Variants in PAH observed in about 807,000 individuals in gnomAD.
PAH encodes the protein phenylalanine-4-hydroxylase.
A neutral mutation model predicts 62.0 loss-of-function variants in PAH; 64 were observed. The ratio of observed to expected loss-of-function variants is 1.03; its 90% CI spans 0.84 to 1.27. PAH has a LOEUF of 1.27. PAH is among the 50% of genes most tolerant of loss of function. The pLI is 0.00. For synonymous variants in PAH, 195 were observed against 196.2 expected (o/e 0.99, Z 0.05); for missense variants, 579 against 542.8 (o/e 1.07, Z -0.66).
chr12:102,875,335 A>T (rs143075611), intron 4 of PAH, among the ~76,000 whole-genome samples: 2 of 152,208 alleles, frequency 1.3e-5, no homozygotes, highest in Non-Finnish European at 1.5e-5. Flanking sequence ...ATCTCTTTGC[A>T]TTGGAGTCTT....
At chr12:102,860,736 G>C (rs1875678206) in intron 5 of PAH, among the ~76,000 whole-genome samples, 1 of 152,206 alleles carries the variant, frequency 6.6e-6, no homozygotes, top group South Asian at 2.1e-4. Flanking sequence ...AATGGGGAAA[G>C]GATTCCCTAT....
chr12:102,863,159 T>C (rs1742783592), intron 5 of PAH, among the ~76,000 whole-genome samples: 1 of 152,174 alleles, frequency 6.6e-6, no homozygotes, highest in African/African-American at 2.4e-5. Context: ...AGTACCTGTA[T>C]GGTGTGGATA....
chr12:102,843,876 A>C, intron 10 of PAH, 97 bp from the exon 11 acceptor site: 1 of 1,332,842 alleles, frequency 7.5e-7, no homozygotes, highest in Non-Finnish European at 1.1e-6. Flanking sequence ...CTCTCATCTC[A>C]CCCCGATTCC....
intron 3 of PAH, among the ~76,000 whole-genome samples, chr12:102,891,620 C>T (rs1412515905): frequency 6.6e-6 from 1 of 152,190 alleles, no homozygotes; most frequent in African/African-American, 2.4e-5. Context: ...TCCTATAAGG[C>T]AGAGGCTCTT....
intron 8 of PAH, among the ~76,000 whole-genome samples, chr12:102,849,396 A>AT (rs144621436): frequency 0.016 from 2,501 of 152,256 alleles, 56 homozygotes; most frequent in African/African-American, 0.056. Context: ...GCAATTCAAT[A>AT]TGCAAGTCTG....
intron 2 of PAH, among the ~76,000 whole-genome samples, chr12:102,906,059 T>C (rs998802190): frequency 3.3e-5 from 5 of 152,108 alleles, no homozygotes; most frequent in Non-Finnish European, 7.4e-5. Flanking sequence ...AAAAATACAA[T>C]GTGTAGACAA....
intron 9 of PAH, among the ~76,000 whole-genome samples, chr12:102,845,841 A>G (rs1592948891): frequency 6.6e-6 from 1 of 152,192 alleles, no homozygotes; most frequent in African/African-American, 2.4e-5. Flanking sequence ...TCAACCAATC[A>G]GTAACATTTT....
chr12:102,938,336 A>G (rs1350705254), intron 1 of PAH, among the ~76,000 whole-genome samples: 1 of 152,168 alleles, frequency 6.6e-6, no homozygotes, highest in Admixed American at 6.5e-5. Context: ...CTCCAAACTG[A>G]CATGGACAAC....
chr12:102,847,640 T>C (rs779628233), intron 8 of PAH, among the ~76,000 whole-genome samples: 9 of 152,192 alleles, frequency 5.9e-5, no homozygotes, highest in Non-Finnish European at 1.0e-4. Context: ...AACATATACA[T>C]AACTATGTTA....
intron 1 of PAH, among the ~76,000 whole-genome samples, chr12:102,937,715 T>TA: frequency 6.6e-6 from 1 of 152,328 alleles, no homozygotes; most frequent in East Asian, 1.9e-4. Flanking sequence ...ACACTATATT[T>TA]ACAATGTTAT....
intron 1 of PAH, among the ~76,000 whole-genome samples, chr12:102,948,166 T>C (rs1221228364): frequency 6.6e-6 from 1 of 152,234 alleles, no homozygotes; most frequent in Admixed American, 6.5e-5. Context: ...TATCAGCCTT[T>C]TTTTTAGGAT....
At chr12:102,935,771 G>A (rs370317887) in intron 1 of PAH, among the ~76,000 whole-genome samples, 6 of 151,448 alleles carry the variant, frequency 4.0e-5, no homozygotes, top group Non-Finnish European at 8.9e-5. Flanking sequence ...TATTTAATTC[G>A]GTCTTCTCCC....
rs142503739 is a variant in PAH at position 102,841,797 on chromosome 12, C to T, written c.1200-1282G>A. Among the ~76,000 whole-genome samples the T allele has an allele frequency of 4.1e-3, 627 of 152,258 alleles. 3 individuals carry two copies. Among genetic ancestry groups the T allele is most frequent in the African/African-American group, 0.014 (583 of 41,548 alleles). On this transcript the variant is annotated intron_variant, in intron 11 of 12. Transcript: ENST00000553106. ...TTTTGCTTTGGGTGATTTACCCCTACCCTACTAGGTGTGTATCAGTCCAGA... is the reference window on the plus strand; with the variant it reads ...TTTTGCTTTGGGTGATTTACCCCTATCCTACTAGGTGTGTATCAGTCCAGA...
chr12:102,958,392 G>GCGC (rs2136785256), upstream of PAH: 1 of 1,392,836 alleles, frequency 7.2e-7, no homozygotes, highest in Non-Finnish European at 9.4e-7. Context: ...AGCGCAGAGC[G>GCGC]CGCAGCAGCA....
intron 3 of PAH, among the ~76,000 whole-genome samples, chr12:102,890,752 A>G (rs1359356907): frequency 6.6e-6 from 1 of 152,256 alleles, no homozygotes; most frequent in Non-Finnish European, 1.5e-5. Flanking sequence ...GCTCCAATAA[A>G]CCCAACTTTT....
chr12:102,913,017 A>G, intron 1 of PAH, 119 bp from the exon 2 acceptor site: 1 of 707,960 alleles, frequency 1.4e-6, no homozygotes, highest in Non-Finnish European at 2.6e-6. Context: ...TTGCAATACA[A>G]TGAGCTATAT....
intron 8 of PAH, 120 bp from the exon 9 acceptor site, chr12:102,847,071 A>C: frequency 1.3e-6 from 1 of 769,896 alleles, no homozygotes; most frequent in Non-Finnish European, 2.3e-6. Context: ...GCCCACATAG[A>C]CCCTGAGTGT....
At position 102,879,107 on chromosome 12, in the gene PAH, G is replaced by A. The variant is rs139904149; in HGVS notation, c.353-1557C>T. On this transcript the variant is annotated intron_variant, in intron 3 of 12. Transcript: ENST00000553106. ...CCATCTGCCTACTTATCCTCTCTGT[G>A]TCTCAGTTCCTCCTCCGGGAGGAGG... Among the ~76,000 whole-genome samples, 4 of 152,160 alleles carry A rather than the reference G, an allele frequency of 2.6e-5. No individual in the cohort carries two copies. The East Asian group carries it at 7.7e-4, about 29-fold the overall frequency.
intron 3 of PAH, among the ~76,000 whole-genome samples, chr12:102,881,981 A>G (rs1876829158): frequency 6.6e-6 from 1 of 152,172 alleles, no homozygotes; most frequent in Non-Finnish European, 1.5e-5. Flanking sequence ...ATACTCAGAC[A>G]TGAGATTTCT....
Sources: allele counts gnomAD v4.1 joint callset (sites outside exome capture counted in the v4.1 genomes callset), GRCh38; gene constraint gnomAD v4.1.1; transcripts MANE v1.5; gene names NCBI Gene and HGNC (gene_info 2026-07-23, HGNC 2026-07-21).